Variants in NRG3 observed in about 807,000 individuals in gnomAD.
The protein encoded by NRG3 is neuregulin 3, also known as pro-neuregulin-3, membrane-bound isoform.
Under a neutral mutation model 66.9 loss-of-function variants are expected in NRG3, and 31 were observed. The observed-to-expected ratio is 0.46, with a 90% CI of 0.35 to 0.63. NRG3 has a LOEUF of 0.63. Among genes scored for constraint, NRG3 ranks in the 20% least tolerant of loss-of-function variants. NRG3 has a pLI of 0.00. For missense variants in NRG3, 910 were observed against 878.9 expected (o/e 1.04, Z -0.45); for synonymous variants, 393 against 359.4 (o/e 1.09, Z -1.06).
At chr10:82,097,421 T>TCCCA (rs2066417645) in intron 1 of NRG3, among the ~76,000 whole-genome samples, 1 of 66,582 alleles carries the variant, frequency 1.5e-5, no homozygotes, top group Non-Finnish European at 3.0e-5. Flanking sequence ...TATATATATC[T>TCCCA]GTAATATATA....
At chr10:82,476,381 G>A (rs573103181) in intron 2 of NRG3, among the ~76,000 whole-genome samples, 36 of 152,110 alleles carry the variant, frequency 2.4e-4, no homozygotes, top group African/African-American at 8.0e-4. Flanking sequence ...TTGAAAGCAG[G>A]GACTTCAAGA....
intron 1 of NRG3, among the ~76,000 whole-genome samples, chr10:81,914,006 T>C (rs1845431639): frequency 6.6e-6 from 1 of 152,192 alleles, no homozygotes; most frequent in Non-Finnish European, 1.5e-5. Context: ...GGTACAGCTA[T>C]GCACACTCTC....
chr10:82,251,085 C>T (rs534250712), intron 1 of NRG3, among the ~76,000 whole-genome samples: 95 of 152,304 alleles, frequency 6.2e-4, no homozygotes, highest in Middle Eastern at 3.4e-3. Flanking sequence ...AATCTGACGA[C>T]GTTGGACGTA....
intron 2 of NRG3, among the ~76,000 whole-genome samples, chr10:82,505,673 A>G (rs899017383): frequency 7.2e-5 from 11 of 152,146 alleles, no homozygotes; most frequent in African/African-American, 2.7e-4. Context: ...TGACTAGATA[A>G]TTGCATGGGA....
In NRG3 at chr10:82,066,460, C is replaced by G. The variant is rs1056974474; in HGVS notation, c.823+190297C>G. On this transcript the variant is annotated intron_variant, in intron 1 of 8. Coordinates refer to ENST00000372141, the MANE Select transcript of NRG3 (RefSeq NM_001010848.4). ...TTATTTCTTACTGTTACGTACTTTT[C>G]TGTTTTACTTATGGTTAACTGATGC... Among the ~76,000 whole-genome samples, 3 of 152,102 alleles carry G rather than the reference C, an allele frequency of 2.0e-5. No individual in the cohort carries two copies. The East Asian group carries it at 5.8e-4, about 29-fold the overall frequency.
intron 1 of NRG3, among the ~76,000 whole-genome samples, chr10:82,019,369 T>C (rs904182987): frequency 3.3e-5 from 5 of 152,250 alleles, no homozygotes; most frequent in Non-Finnish European, 7.3e-5. Flanking sequence ...TGCATCAATG[T>C]TCATCTGGGA....
At chr10:82,885,322 T>C (rs578230140) in intron 4 of NRG3, among the ~76,000 whole-genome samples, 2 of 151,314 alleles carry the variant, frequency 1.3e-5, no homozygotes, top group Non-Finnish European at 2.9e-5. Context: ...AAAGCTGGAG[T>C]TTTCTCTGAA....
At chr10:82,767,521 T>C (rs1010312328) in intron 3 of NRG3, among the ~76,000 whole-genome samples, 1 of 152,112 alleles carries the variant, frequency 6.6e-6, no homozygotes, top group Non-Finnish European at 1.5e-5. Flanking sequence ...CACTTTATTA[T>C]GGTCTGGATA....
rs765399970 is a variant in NRG3 at position 81,875,481 on chromosome 10, G to A, written c.141G>A (p.Glu47=). 6.7e-6 allele frequency: 9 copies of A among 1,345,958 alleles called. No homozygotes were observed. In the East Asian group the frequency reaches 2.6e-4, roughly 38 times the overall value. 83.4% of individuals were successfully genotyped at this position (1,345,958 alleles called of 1,614,324 possible). ...GPDGGGEGAA[E]PPRELRCSDC... is the part of the protein sequence containing the mutation. ...ACGGCGGCGGCGAAGGGGCGGCCGA[G>A]CCCCCCCGGGAGTTACGCTGTAGCG... is the stretch of plus-strand genomic sequence containing the variant. The change falls in exon 1 of 9, where the codon GAG becomes GAA. Residue 47 remains glutamate (E), a synonymous_variant. Coordinates refer to ENST00000372141, the MANE Select transcript of NRG3 (RefSeq NM_001010848.4). The surrounding 1 kb of genome is among the most constrained non-coding windows in gnomAD (Gnocchi z 5.3).
rs143883918 is a variant in NRG3 at position 82,627,986 on chromosome 10, T to C, written c.954-110591T>C. 4.9e-4 allele frequency among the ~76,000 whole-genome samples: 74 copies of C among 152,248 alleles called. No homozygotes were observed. The East Asian group carries it at 0.013, about 26-fold the overall frequency. On this transcript the variant is annotated intron_variant, in intron 2 of 8. Coordinates refer to ENST00000372141, the MANE Select transcript of NRG3 (RefSeq NM_001010848.4). ...CAGCCAGATGAGGTGTGTGCTACTA[T>C]AGTGTCCCATTTTACAGGTAAGGAA... is the stretch of plus-strand genomic sequence containing the variant.
intron 2 of NRG3, among the ~76,000 whole-genome samples, chr10:82,566,187 A>G (rs888326498): frequency 2.0e-5 from 3 of 152,058 alleles, no homozygotes; most frequent in Non-Finnish European, 4.4e-5. Flanking sequence ...CCAAGAAAAG[A>G]TAACAACCGT....
intron 2 of NRG3, among the ~76,000 whole-genome samples, chr10:82,648,578 G>T (rs369487294): frequency 3.8e-4 from 58 of 152,150 alleles, no homozygotes; most frequent in Middle Eastern, 6.8e-3. Context: ...TGGCATTGAA[G>T]CTATAAATTA....
chr10:82,564,398 G>A (rs370321427), intron 2 of NRG3, among the ~76,000 whole-genome samples: 8 of 152,006 alleles, frequency 5.3e-5, no homozygotes, highest in African/African-American at 1.2e-4. Flanking sequence ...ATTCTGCTTC[G>A]AATGGACATT....
intron 2 of NRG3, among the ~76,000 whole-genome samples, chr10:82,530,522 T>C (rs1002868819): frequency 2.6e-5 from 4 of 151,988 alleles, no homozygotes; most frequent in African/African-American, 9.7e-5. Context: ...AAATCAATGT[T>C]AAGTGTTCCG....
chr10:82,320,243 G>C (rs2081496919), intron 1 of NRG3, among the ~76,000 whole-genome samples: 1 of 152,152 alleles, frequency 6.6e-6, no homozygotes, highest in Non-Finnish European at 1.5e-5. Context: ...TTGACATATG[G>C]TGACCAGGGC....
At chr10:82,912,786 A>G (rs1212252328) in intron 4 of NRG3, among the ~76,000 whole-genome samples, 2 of 151,884 alleles carry the variant, frequency 1.3e-5, no homozygotes, top group Admixed American at 6.6e-5. Context: ...ATTTTATATG[A>G]TGGTATTTTA....
intron 2 of NRG3, among the ~76,000 whole-genome samples, chr10:82,535,272 T>C (rs1847704781): frequency 6.6e-6 from 1 of 151,106 alleles, no homozygotes; most frequent in South Asian, 2.1e-4. Context: ...CACACAAATA[T>C]ATATGTAATT....
intron 2 of NRG3, among the ~76,000 whole-genome samples, chr10:82,651,463 C>T (rs2051407658): frequency 6.6e-6 from 1 of 152,216 alleles, no homozygotes; most frequent in Non-Finnish European, 1.5e-5. Context: ...CTGTTCTTTG[C>T]TCTCTCAGGT....
chr10:82,962,402 G>GA (rs1441846155), intron 6 of NRG3, among the ~76,000 whole-genome samples: 1 of 152,006 alleles, frequency 6.6e-6, no homozygotes, highest in Non-Finnish European at 1.5e-5. Context: ...ATTCACAATT[G>GA]AAAAATGAAA....
Sources: gnomAD v4.1 joint callset for allele counts (sites outside exome capture counted in the v4.1 genomes callset) on GRCh38, gnomAD v4.1.1 for gene constraint, Gnocchi (gnomAD v3.1) non-coding constraint, MANE v1.5 for transcripts, NCBI Gene and HGNC (gene_info 2026-07-23, HGNC 2026-07-21) for gene names.